UNC13B: variants seen among roughly 807,000 people sequenced by gnomAD.
The protein encoded by UNC13B is unc-13 homolog B.
A neutral mutation model predicts 211.0 loss-of-function variants in UNC13B; 144 were observed. The observed-to-expected ratio is 0.68, with a 90% CI of 0.60 to 0.78. The LOEUF (loss-of-function observed/expected upper bound fraction) is 0.78. Among genes scored for constraint, UNC13B ranks in the 30% least tolerant of loss-of-function variants. The pLI is 0.00. For synonymous variants in UNC13B, 709 were observed against 725.8 expected, an observed-to-expected ratio of 0.98 and a Z score of 0.37; for missense variants, 1,777 against 2,002.0, an observed-to-expected ratio of 0.89 and a Z score of 2.14.
At chr9:35,195,796 G>A (rs1001408643) in intron 1 of UNC13B, among the ~76,000 whole-genome samples, 10 of 152,190 alleles carry the variant, frequency 6.6e-5, no homozygotes, top group African/African-American at 2.4e-4. Context: ...CTTTGTTAGA[G>A]TTGTTTTTTT....
At chr9:35,313,320 AAAAAGAAGG>A (rs1419707261) in intron 10 of UNC13B, among the ~76,000 whole-genome samples, 4 of 152,190 alleles carry the variant, frequency 2.6e-5, no homozygotes, top group Non-Finnish European at 5.9e-5. Context: ...TGGGTAAATG[AAAAAGAAGG>A]AAAAGAAGGA....
intron 7 of UNC13B, among the ~76,000 whole-genome samples, chr9:35,287,952 T>G (rs1366499773): frequency 6.6e-6 from 1 of 152,100 alleles, no homozygotes; most frequent in African/African-American, 2.4e-5. Context: ...ATGTTGTATT[T>G]TTTTCTCGGT....
Position 35,300,882 on chromosome 9 carries a change from A to G in UNC13B, c.1478A>G (p.His493Arg), listed in dbSNP as rs1829644662. 1.3e-5 allele frequency: 5 copies of G among 398,880 alleles called. No individual in the cohort carries two copies. The highest frequency in any genetic ancestry group is 2.2e-5 in the Non-Finnish European group (5 of 226,024). 24.7% of individuals were successfully genotyped at this position (398,880 alleles called of 1,614,324 possible). Reference protein sequence around the residue: ...FGSLSKTKKSHKQNSTLDAEQ... With the variant: ...FGSLSKTKKSRKQNSTLDAEQ... ...TCACTTTCAAAAACTAAAAAATCAC[A>G]TAAACAAAATAGTACTCTTGATGCA... Residue 493 changes from histidine (H) to arginine (R), a missense_variant, in exon 9 of 40, where the codon CAT becomes CGT. Coordinates refer to ENST00000635942, the MANE Select transcript of UNC13B (RefSeq NM_001371189.2).
intron 7 of UNC13B, among the ~76,000 whole-genome samples, chr9:35,293,897 G>C (rs1464765709): frequency 2.0e-5 from 3 of 151,976 alleles, no homozygotes; most frequent in African/African-American, 7.3e-5. Flanking sequence ...TTTCCTCCCG[G>C]AGTTCTAATC....
At chr9:35,170,089 A>C (rs1227963344) in intron 1 of UNC13B, among the ~76,000 whole-genome samples, 4 of 152,198 alleles carry the variant, frequency 2.6e-5, no homozygotes, top group Admixed American at 6.5e-5. Context: ...AGAATAAATT[A>C]AGTTCTTCCT....
chr9:35,164,944 A>G (rs566960668), intron 1 of UNC13B, among the ~76,000 whole-genome samples: 2 of 152,310 alleles, frequency 1.3e-5, no homozygotes, highest in South Asian at 2.1e-4. Flanking sequence ...ATGGTGACCC[A>G]GACAAAGGAA....
intron 7 of UNC13B, among the ~76,000 whole-genome samples, chr9:35,279,339 G>T: frequency 6.6e-6 from 1 of 152,172 alleles, no homozygotes; most frequent in African/African-American, 2.4e-5. Flanking sequence ...TAATGTTTTT[G>T]AGGTGCATTC....
intron 1 of UNC13B, among the ~76,000 whole-genome samples, chr9:35,178,819 C>T (rs572838950): frequency 1.6e-4 from 21 of 129,690 alleles, no homozygotes; most frequent in African/African-American, 3.8e-4. Flanking sequence ...CCTTGGGAGG[C>T]GGAGGTTGCA....
chr9:35,365,029 T>C (rs1338557944), intron 11 of UNC13B, among the ~76,000 whole-genome samples: 1 of 152,244 alleles, frequency 6.6e-6, no homozygotes, highest in Non-Finnish European at 1.5e-5. Context: ...TTCCTGCCTC[T>C]TGCCTGAGGC....
chr9:35,246,363 C>T (rs1439200480), intron 6 of UNC13B, among the ~76,000 whole-genome samples: 2 of 152,246 alleles, frequency 1.3e-5, no homozygotes, highest in East Asian at 3.9e-4. Context: ...AATTAGATCC[C>T]ATTTGTCAAT....
At chr9:35,247,388 A>G (rs144129644) in intron 6 of UNC13B, among the ~76,000 whole-genome samples, 3,972 of 152,210 alleles carry the variant, frequency 0.026, 176 homozygotes, top group African/African-American at 0.089. Flanking sequence ...TTCCAACGCT[A>G]TGTTGAATAG....
At chr9:35,402,505 A>G (rs1836385851) in intron 37 of UNC13B, among the ~76,000 whole-genome samples, 1 of 151,866 alleles carries the variant, frequency 6.6e-6, no homozygotes, top group East Asian at 1.9e-4. Flanking sequence ...GATGGTCTCA[A>G]TCTCCTGACC....
chr9:35,342,757 C>T (rs1000935778), intron 11 of UNC13B, among the ~76,000 whole-genome samples: 2 of 152,198 alleles, frequency 1.3e-5, no homozygotes, highest in Non-Finnish European at 2.9e-5. Context: ...TATGAATATG[C>T]AAAATTCGTC....
chr9:35,288,456 T>G (rs868614848), intron 7 of UNC13B, among the ~76,000 whole-genome samples: 1 of 152,260 alleles, frequency 6.6e-6, no homozygotes, highest in African/African-American at 2.4e-5. Flanking sequence ...TGCCTTTGCA[T>G]GCATAATTTC....
At chr9:35,374,752 T>C (rs1834287390) in intron 13 of UNC13B, among the ~76,000 whole-genome samples, 1 of 152,214 alleles carries the variant, frequency 6.6e-6, no homozygotes, top group South Asian at 2.1e-4. Context: ...CAGAGTTGTG[T>C]GTCTCTATTA....
chr9:35,286,828 G>A (rs1587543871), intron 7 of UNC13B, among the ~76,000 whole-genome samples: 1 of 152,092 alleles, frequency 6.6e-6, no homozygotes, highest in South Asian at 2.1e-4. Flanking sequence ...GTGGTGCATC[G>A]CAAATCCACA....
chr9:35,210,984 C>T (rs1823936096), intron 1 of UNC13B, among the ~76,000 whole-genome samples: 1 of 152,166 alleles, frequency 6.6e-6, no homozygotes, highest in African/African-American at 2.4e-5. Flanking sequence ...ATCCTCCTGC[C>T]TCAGCCTTCC....
At chr9:35,353,813 A>T in intron 11 of UNC13B, 1 of 1,229,214 alleles carries the variant, frequency 8.1e-7, no homozygotes. Flanking sequence ...ACACTCAGGT[A>T]TTCTGAGTCA....
At chr9:35,228,886 A>G (rs1022526590) in intron 2 of UNC13B, among the ~76,000 whole-genome samples, 1 of 152,046 alleles carries the variant, frequency 6.6e-6, no homozygotes, top group South Asian at 2.1e-4. Flanking sequence ...ACAAATAATA[A>G]ATGTTCTTGT....
Sources: gnomAD v4.1 joint callset for allele counts (sites outside exome capture counted in the v4.1 genomes callset) on GRCh38, gnomAD v4.1.1 for gene constraint, MANE v1.5 for transcripts, NCBI Gene and HGNC (gene_info 2026-07-23, HGNC 2026-07-21) for gene names.